The following KCNJ16 variants were observed in gnomAD, a reference collection of about 807,000 sequenced individuals.
KCNJ16 encodes the protein inward rectifier potassium channel 16.
Under a neutral mutation model 18.5 loss-of-function variants are expected in KCNJ16, and 15 were observed. That is an observed-to-expected ratio of 0.81 (90% confidence interval 0.54 to 1.25). The LOEUF is 1.25. Ranked by LOEUF, KCNJ16 falls within the 50% of genes most tolerant of loss-of-function variation. KCNJ16 has a pLI of 0.00. For missense variants in KCNJ16, 523 were observed against 525.7 expected (o/e 0.99, Z 0.05); for synonymous variants, 174 against 186.5 (o/e 0.93, Z 0.55).
intron 2 of KCNJ16, among the ~76,000 whole-genome samples, chr17:70,112,941 G>A (rs991260497): frequency 2.0e-5 from 3 of 152,052 alleles, no homozygotes; most frequent in Non-Finnish European, 2.9e-5. Context: ...ATTATCTGCC[G>A]GATGAATTAG....
At chr17:70,097,262 T>C (rs1468246387) in intron 1 of KCNJ16, among the ~76,000 whole-genome samples, 1 of 152,154 alleles carries the variant, frequency 6.6e-6, no homozygotes, top group Non-Finnish European at 1.5e-5. Context: ...CTCCCCACTC[T>C]TGTCAGGATT....
chr17:70,126,000 G>A (rs556726249), intron 2 of KCNJ16, among the ~76,000 whole-genome samples: 1 of 152,126 alleles, frequency 6.6e-6, no homozygotes, highest in East Asian at 1.9e-4. Context: ...AGACGGGGCA[G>A]AGCATTCCCA....
chr17:70,121,793 T>A (rs1196907379), intron 2 of KCNJ16, among the ~76,000 whole-genome samples: 1 of 151,558 alleles, frequency 6.6e-6, no homozygotes, highest in Non-Finnish European at 1.5e-5. Flanking sequence ...ATTTCTCTAC[T>A]GAAAAAAAAA....
chr17:70,098,845 A>G (rs148228641), intron 1 of KCNJ16, among the ~76,000 whole-genome samples: 3 of 152,334 alleles, frequency 2.0e-5, no homozygotes, highest in African/African-American at 7.2e-5. Flanking sequence ...ACGGCACCTC[A>G]ATAATTATGA....
rs139258511 is a variant in KCNJ16 at position 70,106,822 on chromosome 17, G to A, written c.-191+6056G>A. Among the ~76,000 whole-genome samples, 24 of 152,268 alleles carry A rather than the reference G, an allele frequency of 1.6e-4. No homozygotes were observed. In the East Asian group the frequency reaches 2.3e-3, roughly 15 times the overall value. On this transcript the variant is annotated intron_variant, in intron 2 of 3. Coordinates refer to ENST00000392671, the MANE Select transcript of KCNJ16 (RefSeq NM_170741.4). Reference sequence around the variant, plus strand: ...GGATGGGCTGGCATGAGGAGTCATGGGGGTCGAGAAGAAAGTTATGGCAAG... The same window carrying A: ...GGATGGGCTGGCATGAGGAGTCATGAGGGTCGAGAAGAAAGTTATGGCAAG...
chr17:70,079,136 G>C (rs1016982522), intron 1 of KCNJ16, among the ~76,000 whole-genome samples: 1 of 152,178 alleles, frequency 6.6e-6, no homozygotes, highest in Non-Finnish European at 1.5e-5. Flanking sequence ...ATGGTGGCTG[G>C]CAAGTATGAA....
intron 2 of KCNJ16, among the ~76,000 whole-genome samples, chr17:70,108,104 T>C (rs1178914747): frequency 6.6e-6 from 1 of 152,196 alleles, no homozygotes. Context: ...CCCCTGTCTC[T>C]ACTGCATGAA....
At chr17:70,121,943 A>G (rs1476110701) in intron 2 of KCNJ16, among the ~76,000 whole-genome samples, 1 of 152,108 alleles carries the variant, frequency 6.6e-6, no homozygotes, top group East Asian at 1.9e-4. Context: ...TGGGCAACAG[A>G]GCAAGACTCT....
At chr17:70,121,021 G>C (rs950769843) in intron 2 of KCNJ16, among the ~76,000 whole-genome samples, 1 of 152,192 alleles carries the variant, frequency 6.6e-6, no homozygotes, top group Non-Finnish European at 1.5e-5. Flanking sequence ...TTGGGGGAAA[G>C]ATGATGGGGT....
At chr17:70,097,189 G>A (rs902461034) in intron 1 of KCNJ16, among the ~76,000 whole-genome samples, 10 of 152,040 alleles carry the variant, frequency 6.6e-5, no homozygotes, top group Admixed American at 1.3e-4. Context: ...AGGTTTGTTC[G>A]TTCACTGCAT....
At chr17:70,102,505 C>T (rs1443159482) in intron 2 of KCNJ16, among the ~76,000 whole-genome samples, 1 of 151,996 alleles carries the variant, frequency 6.6e-6, no homozygotes, top group African/African-American at 2.4e-5. Flanking sequence ...GGATTACAGG[C>T]GTGAGCCACC....
At chr17:70,109,814 T>C (rs1341502964) in intron 2 of KCNJ16, among the ~76,000 whole-genome samples, 1 of 152,154 alleles carries the variant, frequency 6.6e-6, no homozygotes, top group African/African-American at 2.4e-5. Flanking sequence ...AGATTTACTA[T>C]CTTCTCCCTA....
Position 70,132,911 on chromosome 17 carries a change from A to T in KCNJ16, c.824A>T (p.Asn275Ile), listed in dbSNP as rs1240387937. The change falls in exon 4 of 4, where the codon AAC becomes ATC. Residue 275 changes from asparagine to isoleucine, a missense_variant. Coordinates refer to ENST00000392671, the MANE Select transcript of KCNJ16 (RefSeq NM_170741.4). ...ALDRKAVAKD[N>I]FEILVTFIYT... ...GACCGCAAAGCAGTAGCCAAAGATA[A>T]CTTTGAGATTTTGGTGACATTTATC... The T allele has an allele frequency of 6.2e-7, 1 of 1,614,154 alleles. No homozygotes were observed. Among genetic ancestry groups the T allele is most frequent in the Non-Finnish European group, 8.5e-7 (1 of 1,180,010 alleles).
At chr17:70,099,392 G>A (rs543683865) in intron 1 of KCNJ16, among the ~76,000 whole-genome samples, 1 of 152,142 alleles carries the variant, frequency 6.6e-6, no homozygotes. Context: ...AGCTTCAGGG[G>A]ACAGCATGAG....
chr17:70,091,661 T>C (rs1006755609), intron 1 of KCNJ16, among the ~76,000 whole-genome samples: 1 of 152,160 alleles, frequency 6.6e-6, no homozygotes, highest in African/African-American at 2.4e-5. Flanking sequence ...TTCTACTGGT[T>C]GCAGAATATA....
At chr17:70,117,994 T>TA (rs2073479346) in intron 2 of KCNJ16, among the ~76,000 whole-genome samples, 1 of 152,226 alleles carries the variant, frequency 6.6e-6, no homozygotes, top group South Asian at 2.1e-4. Context: ...CTGATGCAGC[T>TA]ACTCAACTTT....
intron 1 of KCNJ16, among the ~76,000 whole-genome samples, chr17:70,088,574 G>A (rs901498036): frequency 6.6e-6 from 1 of 152,160 alleles, no homozygotes; most frequent in African/African-American, 2.4e-5. Flanking sequence ...AACATTCCCA[G>A]GGGATTAAAG....
At chr17:70,091,935 T>C (rs1479734199) in intron 1 of KCNJ16, among the ~76,000 whole-genome samples, 1 of 152,236 alleles carries the variant, frequency 6.6e-6, no homozygotes, top group East Asian at 1.9e-4. Flanking sequence ...TGTAATTTAT[T>C]GGGTTGGAGG....
At chr17:70,114,332 A>AG (rs769200157) in intron 2 of KCNJ16, among the ~76,000 whole-genome samples, 2 of 152,152 alleles carry the variant, frequency 1.3e-5, no homozygotes, top group Non-Finnish European at 2.9e-5. Flanking sequence ...ATTGCCAAAG[A>AG]GGACAGTTTG....
Sources: allele counts gnomAD v4.1 joint callset (sites outside exome capture counted in the v4.1 genomes callset), GRCh38; gene constraint gnomAD v4.1.1; transcripts MANE v1.5; gene names NCBI Gene and HGNC (gene_info 2026-07-23, HGNC 2026-07-21).